GRAMD1C: variants seen among roughly 807,000 people sequenced by gnomAD.
GRAMD1C encodes GRAM domain containing 1C.
In GRAMD1C, 89 loss-of-function variants were observed where a neutral mutation model predicts 97.8. The observed-to-expected ratio is 0.91, with a 90% CI of 0.77 to 1.09. The LOEUF is 1.09. Ranked by LOEUF, GRAMD1C falls within the 50% of genes least tolerant of loss-of-function variation. The probability of loss-of-function intolerance (pLI) is 0.00; values close to 1 mark genes in which losing one functional copy is unlikely to be tolerated. For missense variants in GRAMD1C, 740 were observed against 766.4 expected, an observed-to-expected ratio of 0.97 and a Z score of 0.41; for synonymous variants, 256 against 267.0, an observed-to-expected ratio of 0.96 and a Z score of 0.40.
chr3:113,940,262 A>G lies in GRAMD1C; in HGVS notation c.1825A>G (p.Arg609Gly), dbSNP rs1277020218. The G allele has an allele frequency of 6.2e-7, 1 of 1,605,388 alleles. No homozygotes were observed. Among genetic ancestry groups the G allele is most frequent in the African/African-American group, 1.3e-5 (1 of 74,782 alleles). ...SLNLASDMVS[R>G]AETIQKNKDQ... ...CAGTTTAGCCTCTGATATGGTGTCA[A>G]GAGCAGAAACTATTCAGAAGAATAA... The change falls in exon 17 of 18, where the codon AGA becomes GGA. Residue 609 changes from arginine (R) to glycine (G), a missense_variant. By Grantham distance (125) the Arg-to-Gly change is moderately radical (BLOSUM62 -2). Transcript: ENST00000358160.
At chr3:113,843,061 T>G (rs921898494) in intron 1 of GRAMD1C, among the ~76,000 whole-genome samples, 2 of 142,600 alleles carry the variant, frequency 1.4e-5, no homozygotes, top group African/African-American at 2.6e-5. Context: ...TTTTTTTTTT[T>G]TTTTTTTTTT....
At chr3:113,857,420 G>C (rs532092061) in intron 2 of GRAMD1C, among the ~76,000 whole-genome samples, 1 of 151,186 alleles carries the variant, frequency 6.6e-6, no homozygotes, top group Admixed American at 6.6e-5. Flanking sequence ...CTGTCGCCCA[G>C]GCTGGGGTGC....
intron 6 of GRAMD1C, among the ~76,000 whole-genome samples, chr3:113,887,843 A>G (rs988402797): frequency 1.3e-5 from 2 of 152,090 alleles, no homozygotes; most frequent in African/African-American, 2.4e-5. Flanking sequence ...TAAGAAAATT[A>G]TAAGGAAATA....
chr3:113,912,246 C>T (rs1283663582), intron 9 of GRAMD1C, among the ~76,000 whole-genome samples: 2 of 152,118 alleles, frequency 1.3e-5, no homozygotes, highest in Non-Finnish European at 2.9e-5. Context: ...ATCTCCACTG[C>T]ATTATATATA....
chr3:113,887,439 G>C (rs908114683), intron 6 of GRAMD1C, among the ~76,000 whole-genome samples: 2 of 151,598 alleles, frequency 1.3e-5, no homozygotes, highest in South Asian at 4.2e-4. Context: ...TGTGGCTTAC[G>C]CCTGTAATCC....
At chr3:113,846,683 A>G (rs192444595) in intron 2 of GRAMD1C, among the ~76,000 whole-genome samples, 106 of 152,208 alleles carry the variant, frequency 7.0e-4, no homozygotes, top group African/African-American at 1.6e-3. Context: ...CTTGGGCCCA[A>G]CCTCAGACTT....
intron 2 of GRAMD1C, among the ~76,000 whole-genome samples, chr3:113,846,035 A>G (rs1472505856): frequency 6.6e-6 from 1 of 152,198 alleles, no homozygotes; most frequent in African/African-American, 2.4e-5. Flanking sequence ...TGTCATGTCT[A>G]TTGACTATAT....
At chr3:113,833,004 A>G (rs1709578854) in intron 1 of GRAMD1C, among the ~76,000 whole-genome samples, 1 of 152,136 alleles carries the variant, frequency 6.6e-6, no homozygotes, top group Non-Finnish European at 1.5e-5. Flanking sequence ...AGAGTTTTTC[A>G]AAGCCCTTAT....
intron 2 of GRAMD1C, among the ~76,000 whole-genome samples, chr3:113,846,499 A>G (rs999237979): frequency 6.6e-6 from 1 of 152,170 alleles, no homozygotes; most frequent in African/African-American, 2.4e-5. Flanking sequence ...TACTGTGGTT[A>G]CTATTGACAG....
chr3:113,923,800 G>A (rs1937143518), intron 10 of GRAMD1C, among the ~76,000 whole-genome samples: 1 of 152,146 alleles, frequency 6.6e-6, no homozygotes, highest in Non-Finnish European at 1.5e-5. Flanking sequence ...CATAGAATGA[G>A]TTAGGGAGAA....
chr3:113,872,260 A>G (rs529682895), intron 3 of GRAMD1C, among the ~76,000 whole-genome samples: 1 of 152,090 alleles, frequency 6.6e-6, no homozygotes, highest in African/African-American at 2.4e-5. Context: ...AAATTTCTAT[A>G]TGTATTTAGG....
chr3:113,940,150 T>A (rs1937701933), intron 16 of GRAMD1C, 90 bp from the exon 17 acceptor site: 1 of 933,598 alleles, frequency 1.1e-6, no homozygotes, highest in South Asian at 1.4e-5. Flanking sequence ...GTGTTTTGTT[T>A]GCAAATTTAT....
intron 17 of GRAMD1C, among the ~76,000 whole-genome samples, chr3:113,943,734 C>T (rs992405185): frequency 2.0e-5 from 3 of 151,980 alleles, no homozygotes; most frequent in South Asian, 2.1e-4. Context: ...GGCAACTTGG[C>T]GAAACCCCGT....
intron 5 of GRAMD1C, among the ~76,000 whole-genome samples, chr3:113,882,321 A>G (rs1033374956): frequency 6.6e-6 from 1 of 152,174 alleles, no homozygotes; most frequent in Non-Finnish European, 1.5e-5. Flanking sequence ...CCTTAAATCT[A>G]TCTCTGAAAT....
intron 10 of GRAMD1C, 76 bp downstream of exon 10, chr3:113,915,914 C>G: frequency 8.9e-7 from 1 of 1,128,814 alleles, no homozygotes; most frequent in Non-Finnish European, 1.3e-6. Context: ...CATATATAAA[C>G]TGATTTATGT....
chr3:113,928,711 G>A lies in GRAMD1C; in HGVS notation c.1091-2003G>A, dbSNP rs181780802. 9.9e-5 allele frequency among the ~76,000 whole-genome samples: 15 copies of A among 152,228 alleles called. No homozygotes were observed. The East Asian group carries it at 2.1e-3, about 22-fold the overall frequency. On this transcript the variant is annotated intron_variant, in intron 10 of 17. Coordinates refer to ENST00000358160, the MANE Select transcript of GRAMD1C (RefSeq NM_017577.5). The stretch of plus-strand genomic sequence containing the variant: ...CTACTCAAGGTGCCTTGCATAAGTG[G>A]AATAATACAATGTTTGTCCTTCTGT...
intron 2 of GRAMD1C, among the ~76,000 whole-genome samples, chr3:113,857,900 C>T (rs1441251567): frequency 6.6e-6 from 1 of 152,018 alleles, no homozygotes; most frequent in Non-Finnish European, 1.5e-5. Context: ...ATTGTATTTG[C>T]TAATATTTTG....
At chr3:113,846,839 A>G (rs1447475299) in intron 2 of GRAMD1C, among the ~76,000 whole-genome samples, 1 of 152,198 alleles carries the variant, frequency 6.6e-6, no homozygotes, top group African/African-American at 2.4e-5. Flanking sequence ...CATTTTAAGG[A>G]CATTGTATAT....
Position 113,874,501 on chromosome 3 carries a change from A to AC in GRAMD1C, c.260-981dup, listed in dbSNP as rs1412458665. Among the ~76,000 whole-genome samples, 6 of 151,902 alleles carry AC rather than the reference A, an allele frequency of 3.9e-5. No individual in the cohort carries two copies. In the South Asian group the frequency reaches 1.2e-3, roughly 31 times the overall value. ...GTAGCTGGGATTACAGGTGCCCACT[A>AC]CCATTGCTAATTTTTGTATTTTTAG... On this transcript the variant is annotated intron_variant, in intron 3 of 17. Coordinates refer to ENST00000358160, the MANE Select transcript of GRAMD1C (RefSeq NM_017577.5).
Sources: allele counts gnomAD v4.1 joint callset (sites outside exome capture counted in the v4.1 genomes callset), GRCh38; gene constraint gnomAD v4.1.1; transcripts MANE v1.5; gene names NCBI Gene and HGNC (gene_info 2026-07-23, HGNC 2026-07-21).